KCNH8: variants seen among roughly 807,000 people sequenced by gnomAD.
KCNH8 encodes voltage-gated delayed rectifier potassium channel KCNH8.
Under a neutral mutation model 103.6 loss-of-function variants are expected in KCNH8, and 70 were observed. The observed-to-expected ratio is 0.68, with a 90% confidence interval of 0.56 to 0.82. KCNH8 has a LOEUF of 0.82. Ranked by LOEUF, KCNH8 falls within the 40% of genes least tolerant of loss-of-function variation. The pLI is 0.00. For synonymous variants in KCNH8, 498 were observed against 489.4 expected (o/e 1.02, Z -0.23); for missense variants, 1,217 against 1,329.9 (o/e 0.92, Z 1.32).
chr3:19,154,050 A>C lies in KCNH8; in HGVS notation c.76+5255A>C, dbSNP rs573943435. Among the ~76,000 whole-genome samples, 3 of 152,350 alleles carry C rather than the reference A, an allele frequency of 2.0e-5. No homozygotes were observed. In the East Asian group the frequency reaches 5.8e-4, roughly 29 times the overall value. On this transcript the variant is annotated intron_variant, in intron 1 of 15. Coordinates refer to ENST00000328405, the MANE Select transcript of KCNH8 (RefSeq NM_144633.3). Reference sequence around the variant, plus strand: ...AAATGGGGCAATGTAACATGCACAAATTACTATAATATAGATTAGAAAAAG... The same window carrying C: ...AAATGGGGCAATGTAACATGCACAACTTACTATAATATAGATTAGAAAAAG...
intron 1 of KCNH8, among the ~76,000 whole-genome samples, chr3:19,194,472 C>T (rs140360550): frequency 6.6e-6 from 1 of 151,772 alleles, no homozygotes; most frequent in African/African-American, 2.4e-5. Context: ...TCTGCTCTAC[C>T]ATGATTAAAT....
At chr3:19,326,382 T>TATATATAA (rs879457927) in intron 3 of KCNH8, among the ~76,000 whole-genome samples, 21 of 142,550 alleles carry the variant, frequency 1.5e-4, no homozygotes, top group African/African-American at 4.5e-4. Flanking sequence ...TATATATATA[T>TATATATAA]AATAAATGAT....
At chr3:19,303,726 C>T (rs541080192) in intron 3 of KCNH8, among the ~76,000 whole-genome samples, 65 of 152,176 alleles carry the variant, frequency 4.3e-4, no homozygotes, top group African/African-American at 1.5e-3. Context: ...CAAAAAAAGC[C>T]TCCCTGCCAG....
At chr3:19,234,077 C>CT (rs955573099) in intron 1 of KCNH8, among the ~76,000 whole-genome samples, 10 of 152,314 alleles carry the variant, frequency 6.6e-5, no homozygotes, top group African/African-American at 2.4e-4. Flanking sequence ...CTTTTATTCT[C>CT]TTATCTGGCC....
rs2125208528 is a variant in KCNH8 at position 19,189,612 on chromosome 3, A to T, written c.76+40817A>T. Among the ~76,000 whole-genome samples the T allele has an allele frequency of 1.3e-5, 2 of 152,132 alleles. 1 individual carries two copies. Among genetic ancestry groups the T allele is most frequent in the Admixed American group, 1.3e-4 (2 of 15,236 alleles). ...CAGAAATATGTGATTCATATTTAGT[A>T]ACCAAAATTTAGAATAAGATTTAGC... On this transcript the variant is annotated intron_variant, in intron 1 of 15. Coordinates refer to ENST00000328405, the MANE Select transcript of KCNH8 (RefSeq NM_144633.3).
intron 2 of KCNH8, among the ~76,000 whole-genome samples, chr3:19,255,179 A>G (rs1359622351): frequency 6.6e-6 from 1 of 152,170 alleles, no homozygotes; most frequent in Non-Finnish European, 1.5e-5. Flanking sequence ...TCTGCAAGTC[A>G]AGAAGAGAGG....
At chr3:19,173,627 T>TAC (rs201169887) in intron 1 of KCNH8, among the ~76,000 whole-genome samples, 1 of 151,834 alleles carries the variant, frequency 6.6e-6, no homozygotes, top group Non-Finnish European at 1.5e-5. Flanking sequence ...GGCATAAACC[T>TAC]ACACACACAC....
chr3:19,462,948 A>C (rs1320616469), intron 11 of KCNH8, among the ~76,000 whole-genome samples: 1 of 152,090 alleles, frequency 6.6e-6, no homozygotes, highest in Non-Finnish European at 1.5e-5. Context: ...TCAAAGATAG[A>C]TGTGTGAGAT....
chr3:19,486,901 G>A (rs2068222900), intron 11 of KCNH8, among the ~76,000 whole-genome samples: 1 of 152,128 alleles, frequency 6.6e-6, no homozygotes, highest in East Asian at 1.9e-4. Context: ...TCCGAATAGT[G>A]AATCCCAGGT....
At chr3:19,161,681 G>A (rs560111161) in intron 1 of KCNH8, among the ~76,000 whole-genome samples, 1 of 152,242 alleles carries the variant, frequency 6.6e-6, no homozygotes, top group East Asian at 1.9e-4. Context: ...AAAGATAAAG[G>A]TATTAATTTT....
intron 8 of KCNH8, among the ~76,000 whole-genome samples, chr3:19,440,910 C>T (rs1054087997): frequency 6.6e-6 from 1 of 152,122 alleles, no homozygotes; most frequent in African/African-American, 2.4e-5. Flanking sequence ...TCTCTGGACT[C>T]CAAACCCACC....
intron 5 of KCNH8, among the ~76,000 whole-genome samples, chr3:19,354,216 C>T (rs1352203151): frequency 6.6e-6 from 1 of 152,132 alleles, no homozygotes; most frequent in Non-Finnish European, 1.5e-5. Flanking sequence ...AACCACTGCT[C>T]ATCGAAGTAA....
At chr3:19,477,319 C>T (rs915313661) in intron 11 of KCNH8, among the ~76,000 whole-genome samples, 1 of 151,772 alleles carries the variant, frequency 6.6e-6, no homozygotes, top group African/African-American at 2.4e-5. Context: ...TATTCATAAT[C>T]AATATATCAA....
intron 8 of KCNH8, among the ~76,000 whole-genome samples, chr3:19,446,953 T>C (rs997299661): frequency 3.3e-5 from 5 of 151,970 alleles, no homozygotes; most frequent in African/African-American, 1.2e-4. Context: ...TTCCAAGACC[T>C]GATACTGAGA....
At chr3:19,360,925 T>A (rs2065939141) in intron 5 of KCNH8, among the ~76,000 whole-genome samples, 1 of 152,014 alleles carries the variant, frequency 6.6e-6, no homozygotes, top group Admixed American at 6.6e-5. Flanking sequence ...GAATAAGAAC[T>A]AGTATTATGA....
rs575927067 is a variant in KCNH8 at position 19,373,453 on chromosome 3, T to C, written c.812-17028T>C. ...GTTTGTATTTTTGTGGGATCGGTGGTTATGTCCCGTTTATCATTTTTTATT... is the reference window on the plus strand; with the variant it reads ...GTTTGTATTTTTGTGGGATCGGTGGCTATGTCCCGTTTATCATTTTTTATT... On this transcript the variant is annotated intron_variant, in intron 5 of 15. Transcript: ENST00000328405. 2.6e-5 allele frequency among the ~76,000 whole-genome samples: 4 copies of C among 152,320 alleles called. No homozygotes were observed. The South Asian group carries it at 8.3e-4, about 32-fold the overall frequency.
intron 5 of KCNH8, among the ~76,000 whole-genome samples, chr3:19,371,015 G>A (rs1426579607): frequency 6.6e-6 from 1 of 152,096 alleles, no homozygotes; most frequent in Non-Finnish European, 1.5e-5. Flanking sequence ...ATTACTGTTG[G>A]ACATTTGGGT....
intron 8 of KCNH8, among the ~76,000 whole-genome samples, chr3:19,449,291 CAT>C (rs71055066): frequency 0.49 from 68,835 of 139,854 alleles, 16,691 homozygotes; most frequent in Middle Eastern, 0.6. Flanking sequence ...ACAAGAGTCC[CAT>C]ATATATATAT....
chr3:19,288,037 A>G (rs1291109430), intron 3 of KCNH8, among the ~76,000 whole-genome samples: 1 of 152,076 alleles, frequency 6.6e-6, no homozygotes. Flanking sequence ...TCACCTATTC[A>G]TCATGAAAAT....
Sources: gnomAD v4.1 joint callset for allele counts (sites outside exome capture counted in the v4.1 genomes callset) on GRCh38, gnomAD v4.1.1 for gene constraint, MANE v1.5 for transcripts, NCBI Gene and HGNC (gene_info 2026-07-23, HGNC 2026-07-21) for gene names.